Variants in WDR36 observed in about 807,000 individuals in gnomAD.
WDR36 encodes the protein WD repeat-containing protein 36.
Under a neutral mutation model 112.7 loss-of-function variants are expected in WDR36, and 63 were observed. The observed-to-expected ratio is 0.56, with a 90% confidence interval of 0.46 to 0.69. The LOEUF (loss-of-function observed/expected upper bound fraction) is 0.69, where lower values mean the gene tolerates loss of function less well. Ranked by LOEUF, WDR36 falls within the 30% of genes least tolerant of loss-of-function variation. WDR36 has a pLI of 0.00. For synonymous variants in WDR36, 410 were observed against 362.2 expected (o/e 1.13, Z -1.50); for missense variants, 1,226 against 1,070.3 (o/e 1.15, Z -2.03).
intron 12 of WDR36, 46 bp from the exon 13 acceptor site, chr5:111,110,143 T>G: frequency 1.5e-6 from 2 of 1,376,496 alleles, no homozygotes; most frequent in Non-Finnish European, 1.0e-6. Flanking sequence ...TAAAGTGCAA[T>G]AAAAATGTTA....
chr5:111,117,974 T>C (rs1335048466), intron 16 of WDR36, among the ~76,000 whole-genome samples: 1 of 152,180 alleles, frequency 6.6e-6, no homozygotes, highest in Non-Finnish European at 1.5e-5. Context: ...ATCCTAGTTA[T>C]CTTTGTTGAT....
chr5:111,098,979 A>G, intron 4 of WDR36, 140 bp downstream of exon 4: 1 of 652,654 alleles, frequency 1.5e-6, no homozygotes, highest in Non-Finnish European at 2.7e-6. Context: ...TTTAACGTGT[A>G]AGAAAAAAAG....
At chr5:111,108,867 G>A (rs1029091570) in intron 12 of WDR36, among the ~76,000 whole-genome samples, 4 of 151,132 alleles carry the variant, frequency 2.6e-5, no homozygotes, top group African/African-American at 9.7e-5. Flanking sequence ...AGAACATTTA[G>A]TATGTATGTA....
At position 111,092,485 on chromosome 5, in the gene WDR36, C is replaced by T. The variant is rs779740709; in HGVS notation, c.29C>T (p.Ala10Val). 3.1e-6 allele frequency: 5 copies of T among 1,614,234 alleles called. No individual in the cohort carries two copies. Among genetic ancestry groups the T allele is most frequent in the Admixed American group, 3.3e-5 (2 of 60,028 alleles). Residue 10 changes from alanine (A) to valine (V), a missense_variant, in exon 1 of 23, where the codon GCC becomes GTC. Physicochemically the swap from Ala to Val is moderately conservative, Grantham distance 64 (BLOSUM62 0). Transcript: ENST00000513710. ...GAACGGGCCTCAGAAAGGCGCACGG[C>T]CAGCGCGCTTTTTGCGGGGTTCCGG... MERASERRT[A>V]SALFAGFRAL... is the part of the protein sequence containing the mutation.
intron 16 of WDR36, among the ~76,000 whole-genome samples, chr5:111,114,734 C>G (rs945140159): frequency 6.6e-6 from 1 of 152,166 alleles, no homozygotes. Context: ...TATTAGTGGT[C>G]TGTCACTTCT....
At chr5:111,110,339 G>A in intron 13 of WDR36, 36 bp downstream of exon 13, 1 of 1,507,330 alleles carries the variant, frequency 6.6e-7, no homozygotes, top group Non-Finnish European at 9.2e-7. Context: ...TATTAATGTA[G>A]ATAGATACAA....
At chr5:111,095,207 G>A (rs1752949401) in intron 2 of WDR36, 1 of 465,704 alleles carries the variant, frequency 2.1e-6, no homozygotes, top group Non-Finnish European at 3.9e-6. Context: ...CATTTTTGAA[G>A]AGTACAGGCT....
In WDR36 at chr5:111,121,106, C is replaced by T. The variant is rs1283346249; in HGVS notation, c.2113C>T (p.Arg705Ter). The T allele has an allele frequency of 1.2e-6, 2 of 1,613,454 alleles. No individual in the cohort carries two copies. The highest frequency in any genetic ancestry group is 1.1e-5 in the South Asian group (1 of 91,064). ...GACTCTTTCACTTCTTCCTGAATCA[C>T]GATGGAAAAACCTTCTTAACCTTGA... is the stretch of plus-strand genomic sequence containing the variant. ...LVTLSLLPES[R>*]WKNLLNLDVI... Residue 705 changes from arginine to a stop codon, truncating the protein, a stop_gained, in exon 19 of 23, where the codon CGA becomes TGA. Coordinates refer to ENST00000513710, the MANE Select transcript of WDR36 (RefSeq NM_139281.3). LOFTEE classifies it high-confidence loss of function.
chr5:111,102,823 C>T (rs1365456148), intron 6 of WDR36, among the ~76,000 whole-genome samples: 1 of 151,400 alleles, frequency 6.6e-6, no homozygotes, highest in African/African-American at 2.4e-5. Context: ...CGATGATGGA[C>T]TATTTAAGAA....
intron 17 of WDR36, among the ~76,000 whole-genome samples, chr5:111,119,896 T>A (rs1027237494): frequency 2.0e-5 from 3 of 152,136 alleles, no homozygotes; most frequent in African/African-American, 7.2e-5. Context: ...AGTATGGCCC[T>A]TCTCAATGAA....
In WDR36 at chr5:111,092,552, G is replaced by T; in HGVS notation, c.96G>T (p.Arg32=). The change falls in exon 1 of 23, where the codon CGG becomes CGT. Residue 32 remains arginine, a synonymous_variant. Transcript: ENST00000513710. ...GCAACGACATTCCACACGTGGTGCG[G>T]TTCAGCGCGCTCAAGCGCCGGTTCT... is the stretch of plus-strand genomic sequence containing the variant. ...LFSNDIPHVV[R]FSALKRRFYV... 1 of 1,614,220 alleles carries T rather than the reference G, an allele frequency of 6.2e-7. No homozygotes were observed. The highest frequency in any genetic ancestry group is 8.5e-7 in the Non-Finnish European group (1 of 1,180,042).
intron 5 of WDR36, among the ~76,000 whole-genome samples, chr5:111,101,044 A>T (rs1172712515): frequency 2.0e-5 from 3 of 152,024 alleles, no homozygotes; most frequent in African/African-American, 7.2e-5. Flanking sequence ...TAAATGTGTG[A>T]AAGTTATATG....
chr5:111,097,069 T>C lies in WDR36; in HGVS notation c.191-10T>C. 6.2e-7 allele frequency: 1 copy of C among 1,604,384 alleles called. No individual in the cohort carries two copies. Among genetic ancestry groups the C allele is most frequent in the South Asian group, 1.1e-5 (1 of 90,888 alleles). Reference sequence around the variant, plus strand: ...AATCCCTGTTTCTTTCATTTTGTATTTTCTGCTAGGTAATTCTGTTCCACA... The same window carrying C: ...AATCCCTGTTTCTTTCATTTTGTATCTTCTGCTAGGTAATTCTGTTCCACA... On this transcript the variant is annotated splice_polypyrimidine_tract_variant and intron_variant, in intron 2 of 22. Coordinates refer to ENST00000513710, the MANE Select transcript of WDR36 (RefSeq NM_139281.3).
intron 9 of WDR36, among the ~76,000 whole-genome samples, 166 bp from the exon 10 acceptor site, chr5:111,105,129 A>T (rs911236214): frequency 1.3e-5 from 2 of 151,646 alleles, no homozygotes; most frequent in Non-Finnish European, 3.0e-5. Context: ...ATGGCATTCT[A>T]TAAAAAGTTG....
chr5:111,122,396 T>A (rs1256499266), intron 19 of WDR36, among the ~76,000 whole-genome samples: 1 of 152,232 alleles, frequency 6.6e-6, no homozygotes, highest in African/African-American at 2.4e-5. Context: ...AAACCTCTAA[T>A]ATTTTTATTT....
At chr5:111,096,584 A>T (rs980365217) in intron 2 of WDR36, among the ~76,000 whole-genome samples, 1 of 152,008 alleles carries the variant, frequency 6.6e-6, no homozygotes, top group African/African-American at 2.4e-5. Context: ...CACTCCTATA[A>T]TCCCAGCTAC....
intron 21 of WDR36, 134 bp from the exon 22 acceptor site, chr5:111,125,474 A>T: frequency 1.9e-5 from 17 of 876,560 alleles, no homozygotes; most frequent in Non-Finnish European, 2.8e-5. Context: ...ACTACATAAT[A>T]TGAAAAAATT....
chr5:111,127,383 G>T lies in WDR36; in HGVS notation c.*500G>T, dbSNP rs568614520. The T allele has an allele frequency of 1.3e-3, 257 of 200,006 alleles. 1 individual carries two copies. The highest frequency in any genetic ancestry group is 1.6e-3 in the Non-Finnish European group (155 of 96,876). 12.4% of individuals were successfully genotyped at this position (200,006 alleles called of 1,614,324 possible). On this transcript the variant is annotated 3_prime_UTR_variant, in exon 23 of 23. Transcript: ENST00000513710. ...AGTATTGCTGAATTAAATTGAAAATGTCAGATAAAACTGATACATGATGTA... is the reference window on the plus strand; with the variant it reads ...AGTATTGCTGAATTAAATTGAAAATTTCAGATAAAACTGATACATGATGTA...
chr5:111,125,951 T>C (rs985943714), intron 22 of WDR36, among the ~76,000 whole-genome samples, 156 bp downstream of exon 22: 2 of 152,142 alleles, frequency 1.3e-5, no homozygotes, highest in African/African-American at 4.8e-5. Flanking sequence ...GAAATGTAAA[T>C]AGTGTGATCA....
Sources: gnomAD v4.1 joint callset for allele counts (sites outside exome capture counted in the v4.1 genomes callset) on GRCh38, gnomAD v4.1.1 for gene constraint, MANE v1.5 for transcripts, NCBI Gene and HGNC (gene_info 2026-07-23, HGNC 2026-07-21) for gene names.